Variants in ATAD3C observed in about 807,000 individuals in gnomAD.
ATAD3C encodes the protein ATPase family AAA domain containing 3C, also known as ATPase family AAA domain-containing protein 3C.
Under a neutral mutation model 46.3 loss-of-function variants are expected in ATAD3C, and 38 were observed. The ratio of observed to expected loss-of-function variants is 0.82; its 90% CI spans 0.63 to 1.08. The LOEUF (loss-of-function observed/expected upper bound fraction) is 1.08. ATAD3C is among the 50% of genes least tolerant of loss of function. The pLI, the probability that ATAD3C is intolerant of heterozygous loss-of-function variation, is 0.00. For synonymous variants in ATAD3C, 220 were observed against 236.4 expected, an observed-to-expected ratio of 0.93 and a Z score of 0.63; for missense variants, 563 against 572.7, an observed-to-expected ratio of 0.98 and a Z score of 0.17.
chr1:1,450,523 G>T lies in ATAD3C; in HGVS notation c.-161G>T, dbSNP rs1336317865. 4 of 898,444 alleles carry T rather than the reference G, an allele frequency of 4.5e-6. No individual in the cohort carries two copies. The highest frequency in any genetic ancestry group is 7.0e-6 in the Non-Finnish European group (4 of 574,452). 55.7% of individuals were successfully genotyped at this position (898,444 alleles called of 1,614,324 possible). A position where few individuals can be genotyped will look rare whatever the true frequency, so the allele number is the denominator to read the frequency against. On this transcript the variant is annotated 5_prime_UTR_variant, in exon 1 of 12. Coordinates refer to ENST00000378785, the MANE Select transcript of ATAD3C (RefSeq NM_001039211.3). ...TGTGCTGGGGATGGGGCATCGTCAC[G>T]CCAGGTCTGACTAGGAAGGAGGATG...
At chr1:1,451,668 A>G (rs541963319) in intron 1 of ATAD3C, among the ~76,000 whole-genome samples, 25 of 152,146 alleles carry the variant, frequency 1.6e-4, no homozygotes, top group East Asian at 5.8e-4. Context: ...TCCTGAGCTC[A>G]CAGGCGGGGT....
At chr1:1,466,917 T>A (rs555888672) in intron 11 of ATAD3C, among the ~76,000 whole-genome samples, 1 of 152,124 alleles carries the variant, frequency 6.6e-6, no homozygotes, top group South Asian at 2.1e-4. Context: ...GTCCAAGAGT[T>A]TGAGGAGTGG....
Position 1,449,756 on chromosome 1 carries a change from T to C in ATAD3C, c.-928T>C, listed in dbSNP as rs967212920. The stretch of plus-strand genomic sequence containing the variant: ...GGCCACCGCGCCCGGCCAGAAGATT[T>C]TTATGGTAAAATTTTGTGATGGGAA... On this transcript the variant is annotated 5_prime_UTR_variant, in exon 1 of 12. Coordinates refer to ENST00000378785, the MANE Select transcript of ATAD3C (RefSeq NM_001039211.3). 6 of 151,890 alleles carry C rather than the reference T, an allele frequency of 4.0e-5. No individual in the cohort carries two copies. The highest frequency in any genetic ancestry group is 1.4e-4 in the African/African-American group (6 of 41,400). The allele number at this position is 151,890 out of a possible 1,614,324, so 9.4% of individuals were successfully genotyped here.
At chr1:1,460,040 G>A (rs1459083184) in intron 9 of ATAD3C, among the ~76,000 whole-genome samples, 1 of 151,492 alleles carries the variant, frequency 6.6e-6, no homozygotes, top group Non-Finnish European at 1.5e-5. Flanking sequence ...CCGGGCCCCC[G>A]AGGTCCTGCT....
In ATAD3C at chr1:1,450,754, T is replaced by G; in HGVS notation, c.71T>G (p.Leu24Arg). ...CTGCAGTTGGAGCAACAGTCCAAGC[T>G]CAAAGTGAGTGGGGCCGGTGTGGGC... is the stretch of plus-strand genomic sequence containing the variant. ...QTLQLEQQSK[L>R]KQLVNEDLRK... Residue 24 changes from leucine to arginine, a missense_variant, in exon 1 of 12, where the codon CTC (leucine) becomes CGC (arginine). Leu to Arg is a moderately radical substitution (Grantham distance 102). This residue lies in a region of ATAD3C where 263 missense variants were observed against 243.1 expected (regional missense o/e 1.08). Coordinates refer to ENST00000378785, the MANE Select transcript of ATAD3C (RefSeq NM_001039211.3). 6.2e-7 allele frequency: 1 copy of G among 1,612,806 alleles called. No individual in the cohort carries two copies. The highest frequency in any genetic ancestry group is 2.2e-5 in the East Asian group (1 of 44,874).
In ATAD3C at chr1:1,455,862, C is replaced by T. The variant is rs781308407; in HGVS notation, c.510C>T (p.Tyr170=). ...ACATCAAGAAGAACCGGGGCCTGTA[C>T]AGGCACATCCTGCTGTACGGGCCAC... is the stretch of plus-strand genomic sequence containing the variant. The part of the protein sequence containing the change: ...TRNIKKNRGL[Y]RHILLYGPPG... The change falls in exon 6 of 12, where the codon TAC becomes TAT. Residue 170 remains tyrosine (Y), a synonymous_variant. Transcript: ENST00000378785. 3.1e-6 allele frequency: 5 copies of T among 1,613,494 alleles called. No homozygotes were observed. Among genetic ancestry groups the T allele is most frequent in the Non-Finnish European group, 3.4e-6 (4 of 1,179,712 alleles).
rs1458920044 is a variant in ATAD3C, at chr1:1,459,265, C to T, written c.812+34C>T. 1 of 1,608,322 alleles carries T rather than the reference C, an allele frequency of 6.2e-7. No individual in the cohort carries two copies. The stretch of plus-strand genomic sequence containing the variant: ...GCCCCTCGGGTCCTGGGCCCCCGGG[C>T]AGGGCTGTGCAGCCGTCACCCTTGG... On this transcript the variant is annotated intron_variant, in intron 9 of 11. Transcript: ENST00000378785. This position sits in a 1 kb window ranked among gnomAD's most constrained non-coding sequence, Gnocchi z 4.9.
At chr1:1,452,317 G>T (rs1638874133) in intron 2 of ATAD3C, 48 bp from the exon 3 acceptor site, 1 of 1,612,884 alleles carries the variant, frequency 6.2e-7, no homozygotes, top group African/African-American at 1.3e-5. Flanking sequence ...TTGCTACGTG[G>T]CGTGGGTCTT....
intron 11 of ATAD3C, among the ~76,000 whole-genome samples, chr1:1,464,192 G>C (rs1171057462): frequency 6.7e-6 from 1 of 148,558 alleles, no homozygotes; most frequent in Non-Finnish European, 1.5e-5. Flanking sequence ...GAGCAACAGA[G>C]TGAGACTGTC....
chr1:1,454,437 G>T lies in ATAD3C; in HGVS notation c.315G>T (p.Lys105Asn). The T allele has an allele frequency of 6.2e-7, 1 of 1,609,344 alleles. No individual in the cohort carries two copies. Among genetic ancestry groups the T allele is most frequent in the Non-Finnish European group, 8.5e-7 (1 of 1,178,936 alleles). The change falls in exon 4 of 12, where the codon AAG becomes AAT. Residue 105 changes from lysine to asparagine, a missense_variant. Physicochemically the swap from Lys to Asn is moderately conservative, Grantham distance 94. Around this residue, in one of 3 missense-constraint regions of ATAD3C, gnomAD observed 263 missense variants for 243.1 expected, o/e 1.08. Transcript: ENST00000378785. Reference protein sequence around the residue: ...TGRYIEARLGKPSLVRETSRI... With the variant: ...TGRYIEARLGNPSLVRETSRI... ...GCTACATCGAGGCTCGGCTGGGGAA[G>T]CCGTCCCTAGTGAGGGAGACGTCCC...
At position 1,462,457 on chromosome 1, in the gene ATAD3C, C is replaced by T. The variant is rs982054101; in HGVS notation, c.981-143C>T. 1.8e-5 allele frequency: 16 copies of T among 885,724 alleles called. No homozygotes were observed. The highest frequency in any genetic ancestry group is 1.0e-4 in the African/African-American group (6 of 60,014). 54.9% of individuals were successfully genotyped at this position (885,724 alleles called of 1,614,324 possible). ...GGCCTGGCTTGCGTCAGGAAGGGGGCGGAACTTGGCTGTCACAGGTAGAGA... is the reference window on the plus strand; with the variant it reads ...GGCCTGGCTTGCGTCAGGAAGGGGGTGGAACTTGGCTGTCACAGGTAGAGA... On this transcript the variant is annotated intron_variant, in intron 10 of 11. Coordinates refer to ENST00000378785, the MANE Select transcript of ATAD3C (RefSeq NM_001039211.3). The surrounding 1 kb of genome is among the most constrained non-coding windows in gnomAD (Gnocchi z 4.5).
In ATAD3C at chr1:1,469,379, G is replaced by A. The variant is rs1639203688; in HGVS notation, c.*849G>A. ...AGGTAGGAGGATCGCCTGAGCATGG[G>A]AGGCAGAGGTTGCAGTGAGCCAAGA... On this transcript the variant is annotated 3_prime_UTR_variant, in exon 12 of 12. Coordinates refer to ENST00000378785, the MANE Select transcript of ATAD3C (RefSeq NM_001039211.3). 1 of 150,768 alleles carries A rather than the reference G, an allele frequency of 6.6e-6. No homozygotes were observed. Among genetic ancestry groups the A allele is most frequent in the African/African-American group, 2.4e-5 (1 of 40,938 alleles). The allele number at this position is 150,768 out of a possible 1,614,324, so 9.3% of individuals were successfully genotyped here. A position where few individuals can be genotyped will look rare whatever the true frequency, so the allele number is the denominator to read the frequency against.
intron 8 of ATAD3C, among the ~76,000 whole-genome samples, chr1:1,457,687 GT>G (rs1316539514): frequency 6.8e-6 from 1 of 146,158 alleles, no homozygotes; most frequent in Non-Finnish European, 1.5e-5. Context: ...GTTTTGTTTT[GT>G]TTTGTTTTTG....
At chr1:1,451,383 G>C (rs1038776145) in intron 1 of ATAD3C, among the ~76,000 whole-genome samples, 1 of 151,168 alleles carries the variant, frequency 6.6e-6, no homozygotes, top group Admixed American at 6.6e-5. Context: ...GTCTCACTCT[G>C]TTGCCCAGGC....
chr1:1,458,361 G>A (rs896511759), intron 8 of ATAD3C, among the ~76,000 whole-genome samples: 3 of 151,656 alleles, frequency 2.0e-5, no homozygotes, highest in Admixed American at 6.6e-5. Flanking sequence ...CGCAACCTCC[G>A]CCCCCTGGGT....
chr1:1,457,212 G>A (rs1474037314), intron 8 of ATAD3C, 32 bp downstream of exon 8: 1 of 1,613,276 alleles, frequency 6.2e-7, no homozygotes, highest in Non-Finnish European at 8.5e-7. Context: ...TCTGGCCACA[G>A]GAGGGTGGTG....
intron 8 of ATAD3C, among the ~76,000 whole-genome samples, chr1:1,457,837 C>T (rs1468619325): frequency 5.3e-5 from 8 of 151,086 alleles, no homozygotes; most frequent in Non-Finnish European, 1.0e-4. Flanking sequence ...GCCACCACAC[C>T]CAGCTAATTT....
In ATAD3C at chr1:1,450,987, C is replaced by T. The variant is rs571067652; in HGVS notation, c.75+229C>T. On this transcript the variant is annotated intron_variant, in intron 1 of 11. Coordinates refer to ENST00000378785, the MANE Select transcript of ATAD3C (RefSeq NM_001039211.3). ...GCCGGTGTTGGTGAGGGCGTCTGGT[C>T]GTCCTGAGGGCCTGGATCTTCTTGA... Among the ~76,000 whole-genome samples, 68 of 151,340 alleles carry T rather than the reference C, an allele frequency of 4.5e-4. 2 individuals are homozygous for T. The East Asian group carries it at 6.2e-3, about 14-fold the overall frequency.
At chr1:1,458,872 C>T (rs919955244) in intron 8 of ATAD3C, among the ~76,000 whole-genome samples, 1 of 151,808 alleles carries the variant, frequency 6.6e-6, no homozygotes, top group Non-Finnish European at 1.5e-5. Flanking sequence ...ACAGGTGTGC[C>T]ACCACGCCTG....
Sources: allele counts gnomAD v4.1 joint callset (sites outside exome capture counted in the v4.1 genomes callset), GRCh38; gene constraint gnomAD v4.1.1; regional missense constraint gnomAD v4.1.1; non-coding constraint Gnocchi (gnomAD v3.1); transcripts MANE v1.5; gene names NCBI Gene and HGNC (gene_info 2026-07-23, HGNC 2026-07-21).